Variants in MYO7B observed in about 807,000 individuals in gnomAD.
MYO7B encodes myosin VIIB.
Under a neutral mutation model 259.7 loss-of-function variants are expected in MYO7B, and 212 were observed. The observed-to-expected ratio is 0.82, with a 90% CI of 0.73 to 0.91. The LOEUF (loss-of-function observed/expected upper bound fraction) is 0.91, where lower values mean the gene tolerates loss of function less well. MYO7B is among the 40% of genes least tolerant of loss of function. The pLI is 0.00. For missense variants in MYO7B, 2,732 were observed against 2,813.5 expected (o/e 0.97, Z 0.66); for synonymous variants, 1,197 against 1,166.4 (o/e 1.03, Z -0.54).
chr2:127,608,924 G>A lies in MYO7B; in HGVS notation c.2814+46G>A, dbSNP rs759532686. ...ACAATCCGCCCCGGGTGGGGACAGGGAAGCCTGCCCAGTCCGTGAACTCAG... is the reference window on the plus strand; with the variant it reads ...ACAATCCGCCCCGGGTGGGGACAGGAAAGCCTGCCCAGTCCGTGAACTCAG... On this transcript the variant is annotated intron_variant, in intron 22 of 47. Coordinates refer to ENST00000409816, the MANE Select transcript of MYO7B (RefSeq NM_001393586.1). The A allele has an allele frequency of 6.3e-6, 10 of 1,578,446 alleles. No homozygotes were observed. In the African/African-American group the frequency reaches 1.2e-4, roughly 19 times the overall value.
intron 1 of MYO7B, among the ~76,000 whole-genome samples, chr2:127,550,712 C>T (rs372913513): frequency 6.6e-6 from 1 of 151,830 alleles, no homozygotes; most frequent in Non-Finnish European, 1.5e-5. Flanking sequence ...CTGTTTCAGG[C>T]AACTTGGCTG....
intron 4 of MYO7B, among the ~76,000 whole-genome samples, chr2:127,566,441 G>A (rs1009375874): frequency 6.6e-6 from 1 of 152,220 alleles, no homozygotes. Flanking sequence ...CACCTTCCTG[G>A]TGGATATCCC....
chr2:127,537,292 C>G (rs1309222308), intron 1 of MYO7B, among the ~76,000 whole-genome samples: 3 of 152,180 alleles, frequency 2.0e-5, no homozygotes, highest in Admixed American at 2.0e-4. Flanking sequence ...TTGTCTCTCT[C>G]CTGATTCTTG....
intron 19 of MYO7B, among the ~76,000 whole-genome samples, chr2:127,605,493 G>T (rs1680128295): frequency 6.6e-6 from 1 of 152,210 alleles, no homozygotes; most frequent in Admixed American, 6.5e-5. Context: ...TTACTCAGGA[G>T]GTTGAAGCAG....
Position 127,621,986 on chromosome 2 carries a change from T to A in MYO7B, c.3530T>A (p.Leu1177Gln). Residue 1177 changes from leucine (L) to glutamine (Q), a missense_variant, in exon 28 of 48, where the codon CTA becomes CAA. Transcript: ENST00000409816. Reference sequence around the variant, plus strand: ...TCTCCCCTCCTCACCCACCAGTATCTACTGAACTTCATCGGCCAAGGGCCG... The same window carrying A: ...TCTCCCCTCCTCACCCACCAGTATCAACTGAACTTCATCGGCCAAGGGCCG... ...FPPSERFMKY[L>Q]LNFIGQGPAT... 6.4e-7 allele frequency: 1 copy of A among 1,551,792 alleles called. No individual in the cohort carries two copies. The highest frequency in any genetic ancestry group is 2.0e-5 in the Admixed American group (1 of 51,010).
Position 127,613,741 on chromosome 2 carries a change from A to T in MYO7B, c.3398+1138A>T, listed in dbSNP as rs901291195. Among the ~76,000 whole-genome samples, 3 of 152,188 alleles carry T rather than the reference A, an allele frequency of 2.0e-5. No individual in the cohort carries two copies. Among genetic ancestry groups the T allele is most frequent in the African/African-American group, 7.2e-5 (3 of 41,456 alleles). ...TCAAAGAGCATTGATTTTTTGTTTTAGGAGGCAACTACCTTGGCTGGACTC... is the reference window on the plus strand; with the variant it reads ...TCAAAGAGCATTGATTTTTTGTTTTTGGAGGCAACTACCTTGGCTGGACTC... On this transcript the variant is annotated intron_variant, in intron 26 of 47. Coordinates refer to ENST00000409816, the MANE Select transcript of MYO7B (RefSeq NM_001393586.1). This position sits in a 1 kb window ranked among gnomAD's most constrained non-coding sequence, Gnocchi z 4.3.
rs985114008 is a variant in MYO7B at position 127,627,216 on chromosome 2, G to C, written c.4366G>C (p.Ala1456Pro). Residue 1456 changes from alanine (A) to proline (P), a missense_variant, in exon 33 of 48, where the codon GCT (alanine) becomes CCT (proline). Ala to Pro is a conservative substitution (Grantham distance 27). Transcript: ENST00000409816. This position sits in a 1 kb window ranked among gnomAD's most constrained non-coding sequence, Gnocchi z 5.6. ...PRLPKTQLIL[A>P]VNWKGLCFLD... ...CCTGCCCAAGACGCAGCTGATCTTG[G>C]CTGTTAACTGGAAGGGGCTTTGCTT... 2 of 1,610,402 alleles carry C rather than the reference G, an allele frequency of 1.2e-6. No homozygotes were observed. The highest frequency in any genetic ancestry group is 1.3e-5 in the African/African-American group (1 of 74,888).
chr2:127,542,880 A>G (rs552246404), intron 1 of MYO7B, among the ~76,000 whole-genome samples: 4 of 152,332 alleles, frequency 2.6e-5, no homozygotes, highest in South Asian at 2.1e-4. Flanking sequence ...GTTTAAGAAA[A>G]GGTGCTGTGC....
At chr2:127,610,866 C>T (rs188265069) in intron 24 of MYO7B, among the ~76,000 whole-genome samples, 57 of 152,390 alleles carry the variant, frequency 3.7e-4, no homozygotes. Flanking sequence ...GCCCTGACTC[C>T]TTGATCTCTA....
At chr2:127,605,985 A>G in intron 20 of MYO7B, 57 bp downstream of exon 20, 1 of 1,420,726 alleles carries the variant, frequency 7.0e-7, no homozygotes, top group Non-Finnish European at 9.9e-7. Context: ...CTGTCCAGTA[A>G]AAGACAGATT....
chr2:127,584,960 T>TC lies in MYO7B; in HGVS notation c.1690+49dup, dbSNP rs1464598531. ...TGTCCCTTCCAAATCTGGACCGGGT[T>TC]CCAGGGAGACCGTGGAAAGCAGGCT... On this transcript the variant is annotated intron_variant, in intron 14 of 47. Transcript: ENST00000409816. The surrounding 1 kb of genome is among the most constrained non-coding windows in gnomAD (Gnocchi z 5.8). 1 of 1,607,430 alleles carries TC rather than the reference T, an allele frequency of 6.2e-7. No homozygotes were observed. The highest frequency in any genetic ancestry group is 8.5e-7 in the Non-Finnish European group (1 of 1,175,834).
Position 127,584,723 on chromosome 2 carries a change from C to CAG in MYO7B, c.1555-55_1555-54insAG, listed in dbSNP as rs1573654659. ...CCATGAGGAAGTCCCTGAGCCTCAC[C>CAG]TCCCCATGGCTGGACTCTGGGACCT... On this transcript the variant is annotated intron_variant, in intron 13 of 47. Transcript: ENST00000409816. This position sits in a 1 kb window ranked among gnomAD's most constrained non-coding sequence, Gnocchi z 5.8. 6.3e-7 allele frequency: 1 copy of CAG among 1,599,400 alleles called. No individual in the cohort carries two copies. The highest frequency in any genetic ancestry group is 2.2e-5 in the East Asian group (1 of 44,740).
At chr2:127,544,575 ATT>A (rs35578661) in intron 1 of MYO7B, among the ~76,000 whole-genome samples, 2 of 103,140 alleles carry the variant, frequency 1.9e-5, no homozygotes, top group Non-Finnish European at 3.8e-5. Flanking sequence ...CGTCTGGCTA[ATT>A]TTTTTTTTTT....
chr2:127,609,429 C>A lies in MYO7B; in HGVS notation c.2815-77C>A. The A allele has an allele frequency of 7.3e-7, 1 of 1,369,562 alleles. No individual in the cohort carries two copies. The highest frequency in any genetic ancestry group is 1.0e-6 in the Non-Finnish European group (1 of 985,040). The allele number at this position is 1,369,562 out of a possible 1,614,324, so 84.8% of individuals were successfully genotyped here. A position where few individuals can be genotyped will look rare whatever the true frequency, so the allele number is the denominator to read the frequency against. ...ATGCAACAGCCCCCGTGCTGCCCGG[C>A]CTGCTGGACAGTCAGCTGATGGGTT... On this transcript the variant is annotated intron_variant, in intron 22 of 47. Coordinates refer to ENST00000409816, the MANE Select transcript of MYO7B (RefSeq NM_001393586.1). The surrounding 1 kb of genome is among the most constrained non-coding windows in gnomAD (Gnocchi z 6.9).
intron 31 of MYO7B, 152 bp from the exon 32 acceptor site, chr2:127,626,823 G>C: frequency 1.5e-6 from 1 of 670,406 alleles, no homozygotes; most frequent in Non-Finnish European, 2.6e-6. Context: ...CCCTGGGGAC[G>C]TCCCAGGTGC....
Position 127,614,921 on chromosome 2 carries a change from G to A in MYO7B, c.3398+2318G>A, listed in dbSNP as rs776835679. ...TTGTCCTTGGCTGCAGGGCCTTGGT[G>A]AAATTCCCAGACAAAGCAGATGCCC... On this transcript the variant is annotated intron_variant, in intron 26 of 47. Coordinates refer to ENST00000409816, the MANE Select transcript of MYO7B (RefSeq NM_001393586.1). The surrounding 1 kb of genome is among the most constrained non-coding windows in gnomAD (Gnocchi z 4.6). 1.3e-5 allele frequency among the ~76,000 whole-genome samples: 2 copies of A among 152,192 alleles called. No homozygotes were observed. The highest frequency in any genetic ancestry group is 2.9e-5 in the Non-Finnish European group (2 of 68,032).
chr2:127,623,760 C>T (rs1311824665), intron 29 of MYO7B, among the ~76,000 whole-genome samples: 3 of 152,296 alleles, frequency 2.0e-5, no homozygotes, highest in African/African-American at 7.2e-5. Context: ...AGACCCTCAC[C>T]GCCCACATAG....
At chr2:127,566,546 AC>A (rs1553447795) in intron 4 of MYO7B, 96 bp from the exon 5 acceptor site, 1 of 1,069,864 alleles carries the variant, frequency 9.3e-7, no homozygotes, top group Non-Finnish European at 1.2e-6. Flanking sequence ...GGCCCTGATA[AC>A]CCCGAGGGCA....
chr2:127,570,331 C>A (rs551087428), intron 6 of MYO7B, among the ~76,000 whole-genome samples: 1 of 152,178 alleles, frequency 6.6e-6, no homozygotes. Context: ...GCAGGATGAG[C>A]CTTCAAACTT....
Sources: allele counts gnomAD v4.1 joint callset (sites outside exome capture counted in the v4.1 genomes callset), GRCh38; gene constraint gnomAD v4.1.1; non-coding constraint Gnocchi (gnomAD v3.1); transcripts MANE v1.5; gene names NCBI Gene and HGNC (gene_info 2026-07-23, HGNC 2026-07-21).